PGM2L1: variants seen among roughly 807,000 people sequenced by gnomAD.
The protein encoded by PGM2L1 is glucose 1,6-bisphosphate synthase.
Under a neutral mutation model 73.4 loss-of-function variants are expected in PGM2L1, and 35 were observed. The observed-to-expected ratio is 0.48, with a 90% CI of 0.36 to 0.63. The LOEUF (loss-of-function observed/expected upper bound fraction) is 0.63, where lower values mean the gene tolerates loss of function less well. Ranked by LOEUF, PGM2L1 falls within the 30% of genes least tolerant of loss-of-function variation. The probability of loss-of-function intolerance (pLI) is 0.00; values close to 1 mark genes in which losing one functional copy is unlikely to be tolerated. For synonymous variants in PGM2L1, 225 were observed against 253.8 expected (o/e 0.89, Z 1.08); for missense variants, 570 against 742.0 (o/e 0.77, Z 2.69).
rs11236060 is a variant in PGM2L1, at chr11:74,331,622, G to C, written c.*5030C>G. ...TAGCTCAAGGACTTGCCTCCACTGG[G>C]GGTGAGGGCACTGGGGGAGAAAACT... is the stretch of plus-strand genomic sequence containing the variant. On this transcript the variant is annotated 3_prime_UTR_variant, in exon 14 of 14. Transcript: ENST00000298198. 24,302 of 152,220 alleles carry C rather than the reference G, an allele frequency of 0.16. 2,177 individuals carry two copies. Among genetic ancestry groups the C allele is most frequent in the East Asian group, 0.28 (1,443 of 5,174 alleles). 9.4% of individuals were successfully genotyped at this position (152,220 alleles called of 1,614,324 possible).
chr11:74,393,765 A>G (rs1025109854), intron 1 of PGM2L1, among the ~76,000 whole-genome samples: 2 of 152,168 alleles, frequency 1.3e-5, no homozygotes, highest in African/African-American at 4.8e-5. Context: ...CAGCTGCTAT[A>G]GCAGGCTGAG....
intron 5 of PGM2L1, among the ~76,000 whole-genome samples, chr11:74,352,558 T>C (rs1328239827): frequency 6.6e-6 from 1 of 152,164 alleles, no homozygotes; most frequent in Non-Finnish European, 1.5e-5. Flanking sequence ...ACTTCTACCA[T>C]GCATATGACA....
At chr11:74,385,672 A>C (rs1020562374) in intron 1 of PGM2L1, among the ~76,000 whole-genome samples, 3 of 152,168 alleles carry the variant, frequency 2.0e-5, no homozygotes, top group African/African-American at 7.2e-5. Context: ...ATACTCAGAC[A>C]AAAGATTCAT....
chr11:74,350,519 G>A (rs758693851), intron 6 of PGM2L1, among the ~76,000 whole-genome samples: 5 of 152,026 alleles, frequency 3.3e-5, no homozygotes, highest in South Asian at 2.1e-4. Context: ...AATGGCTTTC[G>A]CTATATTCAT....
chr11:74,372,459 A>G (rs1181687093), intron 2 of PGM2L1, among the ~76,000 whole-genome samples: 1 of 152,204 alleles, frequency 6.6e-6, no homozygotes, highest in Non-Finnish European at 1.5e-5. Context: ...ACAAACTAAA[A>G]CCATTTAACT....
intron 1 of PGM2L1, among the ~76,000 whole-genome samples, chr11:74,386,678 T>C (rs1488578319): frequency 6.6e-6 from 1 of 152,024 alleles, no homozygotes; most frequent in African/African-American, 2.4e-5. Flanking sequence ...GGTCTCCCTA[T>C]TTTGCCCAGG....
chr11:74,333,708 TATG>T lies in PGM2L1; in HGVS notation c.*2941_*2943del, dbSNP rs1176661066. 1 of 152,232 alleles carries T rather than the reference TATG, an allele frequency of 6.6e-6. No homozygotes were observed. The allele number at this position is 152,232 out of a possible 1,614,324, so 9.4% of individuals were successfully genotyped here. On this transcript the variant is annotated 3_prime_UTR_variant, in exon 14 of 14. Coordinates refer to ENST00000298198, the MANE Select transcript of PGM2L1 (RefSeq NM_173582.6). ...TGGGACACAGTTTATTCCCTACTGT[TATG>T]GTGTTACATTTGCCCTTCACGAGAA...
intron 3 of PGM2L1, 150 bp downstream of exon 3, chr11:74,371,561 T>C (rs1225785923): frequency 3.5e-6 from 2 of 576,164 alleles, no homozygotes; most frequent in Non-Finnish European, 5.9e-6. Flanking sequence ...ATACTTTTTC[T>C]TCTATTTCAG....
chr11:74,398,254 CCCCACCT>C lies in PGM2L1; in HGVS notation c.-100_-94del. On this transcript the variant is annotated 5_prime_UTR_variant, in exon 1 of 14. It removes the in-frame stop codon of an upstream open reading frame in the 5' UTR. Transcript: ENST00000298198. ...GGTTCGCTCACCAGGGTCCAGGCGT[CCCCACCT>C]CACTGAAGGGCATCGGAGACCAACC... 2 of 1,463,750 alleles carry C rather than the reference CCCCACCT, an allele frequency of 1.4e-6. No individual in the cohort carries two copies. The highest frequency in any genetic ancestry group is 1.8e-6 in the Non-Finnish European group (2 of 1,105,846). The allele number at this position is 1,463,750 out of a possible 1,614,324, so 90.7% of individuals were successfully genotyped here. A position where few individuals can be genotyped will look rare whatever the true frequency, so the allele number is the denominator to read the frequency against.
At chr11:74,356,839 CTT>C (rs76204346) in intron 5 of PGM2L1, among the ~76,000 whole-genome samples, 1 of 147,648 alleles carries the variant, frequency 6.8e-6, no homozygotes, top group African/African-American at 2.5e-5. Flanking sequence ...TTGGCAATCA[CTT>C]TTTTTTTTTC....
intron 1 of PGM2L1, among the ~76,000 whole-genome samples, chr11:74,375,049 TAG>T (rs1259873201): frequency 6.6e-6 from 1 of 152,112 alleles, no homozygotes; most frequent in Admixed American, 6.6e-5. Context: ...TTAAGAGAAA[TAG>T]AGACACTACT....
chr11:74,391,203 C>G (rs1381106284), intron 1 of PGM2L1, among the ~76,000 whole-genome samples: 1 of 151,794 alleles, frequency 6.6e-6, no homozygotes, highest in African/African-American at 2.4e-5. Flanking sequence ...TCCTCCCTCC[C>G]TCCCTTCCTT....
intron 1 of PGM2L1, among the ~76,000 whole-genome samples, chr11:74,386,468 CA>C (rs1220601763): frequency 1.2e-4 from 17 of 139,292 alleles, no homozygotes; most frequent in African/African-American, 1.6e-4. Context: ...CAATATCTGT[CA>C]AAAAAAAAAA....
chr11:74,340,988 A>G (rs1228133070), intron 12 of PGM2L1, among the ~76,000 whole-genome samples: 1 of 152,230 alleles, frequency 6.6e-6, no homozygotes, highest in East Asian at 1.9e-4. Context: ...GGCTGGAGGT[A>G]TAGGGAATAA....
intron 1 of PGM2L1, among the ~76,000 whole-genome samples, chr11:74,390,626 G>A (rs1350603867): frequency 6.6e-6 from 1 of 152,150 alleles, no homozygotes; most frequent in African/African-American, 2.4e-5. Context: ...GTAAAGGAAC[G>A]AAAGGACTAA....
At chr11:74,344,816 A>G (rs1265585502) in intron 9 of PGM2L1, among the ~76,000 whole-genome samples, 1 of 152,228 alleles carries the variant, frequency 6.6e-6, no homozygotes, top group East Asian at 1.9e-4. Context: ...TCTATTTCAT[A>G]AAGCCAGGTA....
chr11:74,375,977 G>A (rs1862847247), intron 1 of PGM2L1, among the ~76,000 whole-genome samples: 1 of 152,168 alleles, frequency 6.6e-6, no homozygotes. Flanking sequence ...GCATAAGAAT[G>A]GCAAAAATTG....
intron 6 of PGM2L1, among the ~76,000 whole-genome samples, chr11:74,350,148 T>C (rs1051128062): frequency 8.5e-5 from 13 of 152,232 alleles, no homozygotes; most frequent in Admixed American, 2.6e-4. Context: ...TGATTAGAGC[T>C]GGTAGCATTT....
intron 5 of PGM2L1, among the ~76,000 whole-genome samples, chr11:74,352,936 T>G (rs1862380328): frequency 6.6e-6 from 1 of 152,166 alleles, no homozygotes; most frequent in Non-Finnish European, 1.5e-5. Context: ...AATGGCATCC[T>G]TGAAGCATTT....
Sources: gnomAD v4.1 joint callset for allele counts (sites outside exome capture counted in the v4.1 genomes callset) on GRCh38, gnomAD v4.1.1 for gene constraint, MANE v1.5 for transcripts, NCBI Gene and HGNC (gene_info 2026-07-23, HGNC 2026-07-21) for gene names.